Variants in DTWD2 observed in about 807,000 individuals in gnomAD.
The protein encoded by DTWD2 is tRNA-uridine aminocarboxypropyltransferase 2.
A neutral mutation model predicts 31.8 loss-of-function variants in DTWD2; 39 were observed. The observed-to-expected ratio is 1.22, with a 90% CI of 0.95 to 1.60. The LOEUF (loss-of-function observed/expected upper bound fraction) is 1.60. DTWD2 is among the 40% of genes most tolerant of loss of function. The pLI, the probability that DTWD2 is intolerant of heterozygous loss-of-function variation, is 0.00. For synonymous variants in DTWD2, 180 were observed against 142.8 expected (o/e 1.26, Z -1.86); for missense variants, 515 against 381.5 (o/e 1.35, Z -2.92).
chr5:118,928,812 A>T, intron 3 of DTWD2, 83 bp from the exon 4 acceptor site: 1 of 1,174,814 alleles, frequency 8.5e-7, no homozygotes, highest in Non-Finnish European at 1.2e-6. Context: ...TCCTAATAAA[A>T]GTTTCCCTAT....
chr5:118,857,432 A>G (rs918362110), intron 4 of DTWD2, among the ~76,000 whole-genome samples: 3 of 152,064 alleles, frequency 2.0e-5, no homozygotes, highest in African/African-American at 7.2e-5. Flanking sequence ...TGCTATTAAG[A>G]CTTTTGTCAT....
chr5:118,855,772 T>A (rs970078167), intron 4 of DTWD2, among the ~76,000 whole-genome samples: 3 of 152,184 alleles, frequency 2.0e-5, no homozygotes, highest in African/African-American at 7.2e-5. Flanking sequence ...AAAATGCATG[T>A]TAATTATTAA....
At chr5:118,950,176 G>GCACTC (rs1355615344) in intron 1 of DTWD2, among the ~76,000 whole-genome samples, 1 of 132,646 alleles carries the variant, frequency 7.5e-6, no homozygotes, top group South Asian at 2.3e-4. Flanking sequence ...TCACGCCACT[G>GCACTC]CACTCCAGCC....
intron 4 of DTWD2, among the ~76,000 whole-genome samples, chr5:118,903,497 T>G (rs551581755): frequency 1.3e-5 from 2 of 152,132 alleles, no homozygotes; most frequent in African/African-American, 2.4e-5. Context: ...AATATTCCAA[T>G]TGCACACAGT....
In DTWD2 at chr5:118,962,365, TA is replaced by T. The variant is rs202080024; in HGVS notation, c.219-17717del. The stretch of plus-strand genomic sequence containing the variant: ...GCCACTGATTTTGATGCCTTTCCCC[TA>T]AAAAAGTGGTTTTCATCAATGCAAC... On this transcript the variant is annotated intron_variant, in intron 1 of 5. Transcript: ENST00000510708. Among the ~76,000 whole-genome samples the T allele has an allele frequency of 4.9e-3, 750 of 152,252 alleles. 10 individuals carry two copies. The highest frequency in any genetic ancestry group is 0.033 in the South Asian group (161 of 4,820).
At chr5:118,874,127 C>G (rs770108269) in intron 4 of DTWD2, among the ~76,000 whole-genome samples, 23 of 152,102 alleles carry the variant, frequency 1.5e-4, no homozygotes, top group Non-Finnish European at 3.1e-4. Flanking sequence ...CAAAACCAGT[C>G]GACTGAATCC....
chr5:118,965,794 C>T (rs961515499), intron 1 of DTWD2, among the ~76,000 whole-genome samples: 3 of 152,144 alleles, frequency 2.0e-5, no homozygotes, highest in African/African-American at 7.2e-5. Flanking sequence ...GGGATACAAA[C>T]ATTGCGGAAG....
intron 3 of DTWD2, among the ~76,000 whole-genome samples, chr5:118,935,156 T>C (rs886598453): frequency 6.6e-6 from 1 of 152,178 alleles, no homozygotes; most frequent in African/African-American, 2.4e-5. Flanking sequence ...GCTGAACATG[T>C]GGCCATTCCT....
intron 4 of DTWD2, among the ~76,000 whole-genome samples, chr5:118,879,252 G>C (rs1417991303): frequency 6.6e-6 from 1 of 152,150 alleles, no homozygotes; most frequent in Non-Finnish European, 1.5e-5. Context: ...GCCTATTAGT[G>C]ATAGACTGAA....
chr5:118,943,334 G>A (rs1254668394), intron 2 of DTWD2, among the ~76,000 whole-genome samples: 4 of 152,120 alleles, frequency 2.6e-5, no homozygotes, highest in Non-Finnish European at 5.9e-5. Context: ...GGTGGATCAT[G>A]AGATCAGGAG....
At chr5:118,985,923 C>T (rs1334152570) in intron 1 of DTWD2, among the ~76,000 whole-genome samples, 1 of 152,054 alleles carries the variant, frequency 6.6e-6, no homozygotes, top group African/African-American at 2.4e-5. Flanking sequence ...TCTGAGGGCT[C>T]CCCATTTAAA....
At chr5:118,970,581 G>A (rs1754962338) in intron 1 of DTWD2, among the ~76,000 whole-genome samples, 1 of 152,152 alleles carries the variant, frequency 6.6e-6, no homozygotes, top group South Asian at 2.1e-4. Flanking sequence ...ATCTCATCCA[G>A]GAGAACTTCC....
intron 1 of DTWD2, among the ~76,000 whole-genome samples, chr5:118,963,515 A>T (rs1052052690): frequency 6.6e-6 from 1 of 152,244 alleles, no homozygotes; most frequent in African/African-American, 2.4e-5. Flanking sequence ...AAAGATTCTG[A>T]ACTCCCTTCT....
chr5:118,988,184 C>T, intron 1 of DTWD2, 110 bp downstream of exon 1: 1 of 1,362,594 alleles, frequency 7.3e-7, no homozygotes, highest in African/African-American at 1.4e-5. Flanking sequence ...GCCAACTCCG[C>T]CGCCCTAATC....
intron 4 of DTWD2, among the ~76,000 whole-genome samples, chr5:118,901,810 G>A (rs1467209016): frequency 2.0e-5 from 3 of 152,248 alleles, no homozygotes; most frequent in African/African-American, 7.2e-5. Context: ...GTCTCACTGT[G>A]TTGCTCAGGC....
At chr5:118,874,294 T>A (rs1201211576) in intron 4 of DTWD2, among the ~76,000 whole-genome samples, 2 of 152,046 alleles carry the variant, frequency 1.3e-5, no homozygotes, top group African/African-American at 4.8e-5. Context: ...AAAGCCAGAG[T>A]ATGTTCTTTC....
chr5:118,954,713 A>AT (rs201041386), intron 1 of DTWD2, among the ~76,000 whole-genome samples: 54 of 151,300 alleles, frequency 3.6e-4, no homozygotes, highest in Admixed American at 2.8e-3. Flanking sequence ...TTATTTTTGG[A>AT]TTTTTTTTTG....
intron 1 of DTWD2, among the ~76,000 whole-genome samples, chr5:118,958,783 C>G (rs1754646366): frequency 6.6e-6 from 1 of 152,060 alleles, no homozygotes; most frequent in Admixed American, 6.6e-5. Flanking sequence ...CCCTAGGATA[C>G]AAGAATGGTT....
At chr5:118,945,751 C>G (rs145787000) in intron 1 of DTWD2, among the ~76,000 whole-genome samples, 1 of 121,710 alleles carries the variant, frequency 8.2e-6, no homozygotes, top group African/African-American at 4.2e-5. Flanking sequence ...GGCGACAGAG[C>G]GAGACTCCAA....
Sources: gnomAD v4.1 joint callset for allele counts (sites outside exome capture counted in the v4.1 genomes callset) on GRCh38, gnomAD v4.1.1 for gene constraint, MANE v1.5 for transcripts, NCBI Gene and HGNC (gene_info 2026-07-23, HGNC 2026-07-21) for gene names.